Variants in INO80C observed in about 807,000 individuals in gnomAD.
The protein encoded by INO80C is INO80 complex subunit C, also known as IES6 homolog.
A neutral mutation model predicts 17.7 loss-of-function variants in INO80C; 17 were observed. The ratio of observed to expected loss-of-function variants is 0.96; its 90% CI spans 0.66 to 1.44. The LOEUF (loss-of-function observed/expected upper bound fraction) is 1.44, where lower values mean the gene tolerates loss of function less well. INO80C is among the 40% of genes most tolerant of loss of function. The pLI, the probability that INO80C is intolerant of heterozygous loss-of-function variation, is 0.00. For synonymous variants in INO80C, 96 were observed against 95.8 expected (o/e 1.00, Z -0.01); for missense variants, 244 against 245.0 (o/e 1.00, Z 0.03).
intron 4 of INO80C, among the ~76,000 whole-genome samples, chr18:35,472,092 A>T (rs2045677754): frequency 6.6e-6 from 1 of 152,194 alleles, no homozygotes; most frequent in Non-Finnish European, 1.5e-5. Flanking sequence ...TAGCAGCATG[A>T]TTTATAATCC....
chr18:35,478,115 C>T (rs182717273), intron 4 of INO80C, among the ~76,000 whole-genome samples, 167 bp downstream of exon 4: 1 of 152,232 alleles, frequency 6.6e-6, no homozygotes, highest in Admixed American at 6.5e-5. Context: ...AGGCTGCCCC[C>T]ACAGATGCCT....
chr18:35,479,669 T>G (rs1017446194), intron 2 of INO80C, among the ~76,000 whole-genome samples: 1 of 152,058 alleles, frequency 6.6e-6, no homozygotes, highest in East Asian at 1.9e-4. Flanking sequence ...CTTCTTTATA[T>G]GCACGTAAAA....
intron 1 of INO80C, among the ~76,000 whole-genome samples, chr18:35,488,150 A>C (rs907605818): frequency 1.2e-4 from 18 of 152,162 alleles, no homozygotes; most frequent in Non-Finnish European, 2.6e-4. Context: ...TTCCAGTCAC[A>C]CAGTGCAAGC....
chr18:35,480,052 GGAA>G (rs1567982473), intron 2 of INO80C, among the ~76,000 whole-genome samples: 1 of 151,950 alleles, frequency 6.6e-6, no homozygotes, highest in East Asian at 1.9e-4. Context: ...AAGAATGAAA[GGAA>G]GAATACCCTG....
chr18:35,471,998 A>G (rs1395038716), intron 4 of INO80C, among the ~76,000 whole-genome samples: 1 of 152,100 alleles, frequency 6.6e-6, no homozygotes, highest in African/African-American at 2.4e-5. Context: ...AATCCAGTCT[A>G]TCGTTGTTGG....
chr18:35,497,778 T>C lies in INO80C; in HGVS notation c.97A>G (p.Ser33Gly). 1 of 1,613,254 alleles carries C rather than the reference T, an allele frequency of 6.2e-7. No individual in the cohort carries two copies. The highest frequency in any genetic ancestry group is 8.5e-7 in the Non-Finnish European group (1 of 1,179,600). ...RPASPSHNGS[S>G]GGGYGASKKK... is the part of the protein sequence containing the mutation. ...TTACTGGCGCCATAGCCCCCGCCGCTGCTGCCATTGTGGGAAGGGCTGGCC... is the reference window on the plus strand; with the variant it reads ...TTACTGGCGCCATAGCCCCCGCCGCCGCTGCCATTGTGGGAAGGGCTGGCC... Residue 33 changes from serine (S) to glycine (G), a missense_variant, in exon 1 of 5, where the codon AGC becomes GGC. Transcript: ENST00000334598.
In INO80C at chr18:35,478,418, T is replaced by A. The variant is rs2045764459; in HGVS notation, c.380-69A>T. 2.5e-6 allele frequency: 3 copies of A among 1,211,254 alleles called. No individual in the cohort carries two copies. In the African/African-American group the frequency reaches 4.7e-5, roughly 19 times the overall value. 75.0% of individuals were successfully genotyped at this position (1,211,254 alleles called of 1,614,324 possible). ...CATTCAAATCCCTTCTCTTTTTTTT[T>A]CTAAAATAGTATTTGATAATATTCC... On this transcript the variant is annotated intron_variant, in intron 3 of 4. Coordinates refer to ENST00000334598, the MANE Select transcript of INO80C (RefSeq NM_194281.4).
intron 1 of INO80C, among the ~76,000 whole-genome samples, chr18:35,494,263 C>G (rs146757629): frequency 4.1e-4 from 62 of 152,294 alleles, no homozygotes; most frequent in African/African-American, 1.4e-3. Flanking sequence ...TGCTACCTTG[C>G]AAGTACTCTG....
At chr18:35,476,755 C>T (rs1598739057) in intron 4 of INO80C, among the ~76,000 whole-genome samples, 1 of 152,208 alleles carries the variant, frequency 6.6e-6, no homozygotes, top group African/African-American at 2.4e-5. Flanking sequence ...AATCCCAGCA[C>T]TTTGAGAGGC....
Position 35,478,350 on chromosome 18 carries a change from C to G in INO80C, c.380-1G>C. ...GATGGAGGAGCATCAATACTGAAGT[C>G]TGGGAAAAAAAAAAAAAAAAGATAA... On this transcript the variant is annotated splice_acceptor_variant, in intron 3 of 4. Transcript: ENST00000334598. LOFTEE classifies it high-confidence loss of function. The G allele has an allele frequency of 6.8e-7, 1 of 1,470,556 alleles. No individual in the cohort carries two copies. The highest frequency in any genetic ancestry group is 1.5e-5 in the African/African-American group (1 of 67,024). The allele number at this position is 1,470,556 out of a possible 1,614,324, so 91.1% of individuals were successfully genotyped here.
At chr18:35,485,746 C>T (rs1488831395) in intron 1 of INO80C, among the ~76,000 whole-genome samples, 1 of 152,204 alleles carries the variant, frequency 6.6e-6, no homozygotes, top group East Asian at 1.9e-4. Flanking sequence ...CATGCAAAAA[C>T]TTGTACACAA....
At chr18:35,480,635 A>G in intron 1 of INO80C, 72 bp from the exon 2 acceptor site, 1 of 1,127,266 alleles carries the variant, frequency 8.9e-7, no homozygotes, top group Non-Finnish European at 1.3e-6. Flanking sequence ...TGCTCTCAAC[A>G]GGGCATACGA....
intron 4 of INO80C, 48 bp downstream of exon 4, chr18:35,478,234 T>C: frequency 7.5e-7 from 1 of 1,338,430 alleles, no homozygotes; most frequent in Non-Finnish European, 1.1e-6. Flanking sequence ...TAGACATTAC[T>C]GTGAAATCTT....
chr18:35,481,211 A>AGAGT (rs999766506), intron 1 of INO80C, among the ~76,000 whole-genome samples: 1 of 152,260 alleles, frequency 6.6e-6, no homozygotes, highest in African/African-American at 2.4e-5. Context: ...CAGCAGCCAG[A>AGAGT]GAGTGCCCTG....
At chr18:35,495,061 G>C (rs539374511) in intron 1 of INO80C, among the ~76,000 whole-genome samples, 1 of 152,220 alleles carries the variant, frequency 6.6e-6, no homozygotes, top group Non-Finnish European at 1.5e-5. Context: ...GCCCTCAGGG[G>C]TACTGTGCTT....
At chr18:35,475,477 C>T (rs765733442) in intron 4 of INO80C, among the ~76,000 whole-genome samples, 27 of 152,136 alleles carry the variant, frequency 1.8e-4, no homozygotes, top group Admixed American at 3.3e-4. Context: ...AGACCAGGCC[C>T]GGGCAACAGG....
At chr18:35,471,994 G>A (rs1208130934) in intron 4 of INO80C, among the ~76,000 whole-genome samples, 1 of 152,096 alleles carries the variant, frequency 6.6e-6, no homozygotes, top group Non-Finnish European at 1.5e-5. Flanking sequence ...TCTTAATCCA[G>A]TCTATCGTTG....
chr18:35,481,881 C>T (rs772456018), intron 1 of INO80C, among the ~76,000 whole-genome samples: 5 of 152,112 alleles, frequency 3.3e-5, no homozygotes, highest in Admixed American at 6.5e-5. Flanking sequence ...GACTCTACTC[C>T]GTCTCAAAAA....
intron 1 of INO80C, among the ~76,000 whole-genome samples, chr18:35,494,597 A>G (rs973702848): frequency 1.3e-5 from 2 of 152,222 alleles, no homozygotes; most frequent in Admixed American, 6.5e-5. Context: ...GGGGCCCTGC[A>G]GTCCTGCCGC....
Sources: allele counts gnomAD v4.1 joint callset (sites outside exome capture counted in the v4.1 genomes callset), GRCh38; gene constraint gnomAD v4.1.1; transcripts MANE v1.5; gene names NCBI Gene and HGNC (gene_info 2026-07-23, HGNC 2026-07-21).